HPSE2: variants seen among roughly 807,000 people sequenced by gnomAD.
HPSE2 encodes inactive heparanase-2.
A neutral mutation model predicts 60.5 loss-of-function variants in HPSE2; 38 were observed. That is an observed-to-expected ratio of 0.63 (90% CI 0.48 to 0.82). The LOEUF (loss-of-function observed/expected upper bound fraction) is 0.82, where lower values mean the gene tolerates loss of function less well. HPSE2 is among the 40% of genes least tolerant of loss of function. HPSE2 has a pLI of 0.00. For synonymous variants in HPSE2, 295 were observed against 293.2 expected, an observed-to-expected ratio of 1.01 and a Z score of -0.06; for missense variants, 713 against 740.4, an observed-to-expected ratio of 0.96 and a Z score of 0.43.
intron 6 of HPSE2, among the ~76,000 whole-genome samples, chr10:98,690,775 T>C (rs1209730397): frequency 6.6e-6 from 1 of 152,150 alleles, no homozygotes; most frequent in Non-Finnish European, 1.5e-5. Flanking sequence ...ACTTTCATCT[T>C]AATAACTTTT....
intron 9 of HPSE2, among the ~76,000 whole-genome samples, chr10:98,545,949 G>T (rs1281192331): frequency 6.8e-6 from 1 of 147,558 alleles, no homozygotes; most frequent in Non-Finnish European, 1.5e-5. Context: ...AGCAACTTCA[G>T]CAAAGTCTCA....
At chr10:98,947,979 G>A (rs776670326) in intron 3 of HPSE2, among the ~76,000 whole-genome samples, 5 of 151,968 alleles carry the variant, frequency 3.3e-5, no homozygotes, top group Admixed American at 6.6e-5. Context: ...AGTGGCCTAC[G>A]TGTCCCCAAA....
chr10:99,005,408 T>G (rs1174149943), intron 3 of HPSE2, among the ~76,000 whole-genome samples: 2 of 152,152 alleles, frequency 1.3e-5, no homozygotes, highest in African/African-American at 4.8e-5. Flanking sequence ...CACAGATTCA[T>G]TCTTCTGCTT....
chr10:98,731,934 A>G (rs1473502301), intron 4 of HPSE2, among the ~76,000 whole-genome samples: 1 of 152,186 alleles, frequency 6.6e-6, no homozygotes, highest in Non-Finnish European at 1.5e-5. Flanking sequence ...TAAATTCAGC[A>G]AGGTTGGAGG....
chr10:98,819,744 A>G (rs1172569636), intron 3 of HPSE2, among the ~76,000 whole-genome samples: 1 of 152,122 alleles, frequency 6.6e-6, no homozygotes, highest in African/African-American at 2.4e-5. Context: ...AATTGACCCA[A>G]ACAAGCCCCT....
chr10:98,842,497 ATTTT>A (rs1202350888), intron 3 of HPSE2, among the ~76,000 whole-genome samples: 1 of 134,098 alleles, frequency 7.5e-6, no homozygotes, highest in Non-Finnish European at 1.6e-5. Flanking sequence ...ACTTCTTTTG[ATTTT>A]TTTTTTTACT....
Position 99,228,811 on chromosome 10 carries a change from T to A in HPSE2, c.448+3537A>T, listed in dbSNP as rs138367587. On this transcript the variant is annotated intron_variant, in intron 2 of 11. Transcript: ENST00000370552. ...GTTGCATTAATGTGCTCAGAAAGTA[T>A]CTGGAAAACAGAAGACACATGAGTT... Among the ~76,000 whole-genome samples the A allele has an allele frequency of 5.9e-3, 904 of 152,236 alleles. 43 individuals are homozygous for A. The highest frequency in any genetic ancestry group is 0.052 in the Admixed American group (787 of 15,274).
intron 2 of HPSE2, among the ~76,000 whole-genome samples, chr10:99,160,794 G>C (rs1846802269): frequency 6.7e-6 from 1 of 149,724 alleles, no homozygotes; most frequent in Non-Finnish European, 1.5e-5. Flanking sequence ...AGCTACTTGG[G>C]AGGCTGAGGC....
intron 9 of HPSE2, among the ~76,000 whole-genome samples, chr10:98,497,621 G>C (rs1388356651): frequency 6.6e-6 from 1 of 151,836 alleles, no homozygotes; most frequent in Non-Finnish European, 1.5e-5. Context: ...TTTTGAAATT[G>C]ATACATAATC....
chr10:98,576,396 T>C (rs1294491249), intron 9 of HPSE2, among the ~76,000 whole-genome samples: 1 of 152,130 alleles, frequency 6.6e-6, no homozygotes, highest in African/African-American at 2.4e-5. Context: ...ATATCTTTTT[T>C]TGGAAGAAAC....
chr10:98,535,262 C>A (rs1943248413), intron 9 of HPSE2, among the ~76,000 whole-genome samples: 1 of 151,730 alleles, frequency 6.6e-6, no homozygotes, highest in African/African-American at 2.4e-5. Context: ...ACATCTTGGA[C>A]AATTTAGGCT....
At chr10:98,528,748 T>C (rs1034567208) in intron 9 of HPSE2, among the ~76,000 whole-genome samples, 2 of 152,212 alleles carry the variant, frequency 1.3e-5, no homozygotes, top group African/African-American at 4.8e-5. Flanking sequence ...GTGCTGTGCA[T>C]TCATTAGAAC....
intron 3 of HPSE2, among the ~76,000 whole-genome samples, chr10:98,866,097 G>A (rs1952580810): frequency 6.6e-6 from 1 of 151,988 alleles, no homozygotes; most frequent in South Asian, 2.1e-4. Flanking sequence ...AAACAACTCA[G>A]AACTGACAGA....
intron 3 of HPSE2, among the ~76,000 whole-genome samples, chr10:99,136,604 G>A (rs1057137424): frequency 7.4e-4 from 113 of 152,202 alleles, no homozygotes; most frequent in African/African-American, 2.6e-3. Flanking sequence ...ATCAATAAAC[G>A]TAATCCACCA....
At chr10:98,832,512 A>T (rs1253243640) in intron 3 of HPSE2, among the ~76,000 whole-genome samples, 5 of 152,178 alleles carry the variant, frequency 3.3e-5, no homozygotes, top group Admixed American at 2.6e-4. Context: ...TTCAATCTTG[A>T]AATGTTAAGG....
chr10:98,718,187 C>A (rs573302110), intron 5 of HPSE2, among the ~76,000 whole-genome samples: 2 of 152,224 alleles, frequency 1.3e-5, no homozygotes, highest in South Asian at 2.1e-4. Context: ...AATAGTAATT[C>A]TCATGCCTTT....
chr10:98,835,505 T>C (rs1206205026), intron 3 of HPSE2, among the ~76,000 whole-genome samples: 2 of 152,142 alleles, frequency 1.3e-5, no homozygotes, highest in African/African-American at 4.8e-5. Flanking sequence ...ATTGGGGCAA[T>C]GCACAGAGGG....
At chr10:98,819,125 C>T (rs1302231713) in intron 3 of HPSE2, among the ~76,000 whole-genome samples, 2 of 152,182 alleles carry the variant, frequency 1.3e-5, no homozygotes, top group Non-Finnish European at 2.9e-5. Flanking sequence ...AAATGACCCC[C>T]TTTAATAGGC....
intron 5 of HPSE2, among the ~76,000 whole-genome samples, chr10:98,698,497 A>C (rs1283344350): frequency 6.6e-6 from 1 of 152,182 alleles, no homozygotes. Flanking sequence ...AGCAGTGTGA[A>C]GAGGGAAATT....
Sources: gnomAD v4.1 joint callset for allele counts (sites outside exome capture counted in the v4.1 genomes callset) on GRCh38, gnomAD v4.1.1 for gene constraint, MANE v1.5 for transcripts, NCBI Gene and HGNC (gene_info 2026-07-23, HGNC 2026-07-21) for gene names.